Variants in TSNARE1 observed in about 807,000 individuals in gnomAD.
The protein encoded by TSNARE1 is t-SNARE domain-containing protein 1.
In TSNARE1, 49 loss-of-function variants were observed where a neutral mutation model predicts 62.0. The ratio of observed to expected loss-of-function variants is 0.79; its 90% CI spans 0.63 to 1.00. The LOEUF is 1.00. Ranked by LOEUF, TSNARE1 falls within the 50% of genes least tolerant of loss-of-function variation. The pLI, the probability that TSNARE1 is intolerant of heterozygous loss-of-function variation, is 0.00. For missense variants in TSNARE1, 755 were observed against 700.1 expected, an observed-to-expected ratio of 1.08 and a Z score of -0.88; for synonymous variants, 328 against 294.4, an observed-to-expected ratio of 1.11 and a Z score of -1.17.
intron 13 of TSNARE1, 127 bp from the exon 14 acceptor site, chr8:142,212,440 G>A (rs1157184640): frequency 6.6e-6 from 1 of 152,200 alleles, no homozygotes. Flanking sequence ...CATGGAGGTA[G>A]GGCCCTGAGA....
intron 1 of TSNARE1, among the ~76,000 whole-genome samples, chr8:142,388,629 C>T (rs1006557352): frequency 1.4e-5 from 2 of 139,608 alleles, no homozygotes; most frequent in African/African-American, 5.5e-5. Flanking sequence ...AGGATCTCAG[C>T]TCACTGCAAC....
chr8:142,290,081 C>T (rs1455140791), intron 10 of TSNARE1, among the ~76,000 whole-genome samples: 3 of 152,228 alleles, frequency 2.0e-5, no homozygotes, highest in Non-Finnish European at 4.4e-5. Flanking sequence ...GGCGCAGCTC[C>T]ACTCCCAGGC....
chr8:142,324,909 G>C (rs1320359803), intron 6 of TSNARE1, among the ~76,000 whole-genome samples: 1 of 152,272 alleles, frequency 6.6e-6, no homozygotes, highest in African/African-American at 2.4e-5. Context: ...CTCGGCTGAG[G>C]GGGCTGTGGG....
chr8:142,311,289 A>AGTTTTTTTTTTTTT (rs1461595501), intron 9 of TSNARE1, among the ~76,000 whole-genome samples: 44 of 68,776 alleles, frequency 6.4e-4, no homozygotes, highest in Non-Finnish European at 9.3e-4. Context: ...CAGCCTCTCT[A>AGTTTTTTTTTTTTT]GTTTTTTTTT....
At chr8:142,308,717 T>C (rs1238550350) in intron 9 of TSNARE1, among the ~76,000 whole-genome samples, 1 of 152,228 alleles carries the variant, frequency 6.6e-6, no homozygotes, top group Non-Finnish European at 1.5e-5. Flanking sequence ...TCGTTCTTCT[T>C]CAAAATTGCC....
chr8:142,317,830 C>T (rs779374331), intron 7 of TSNARE1, among the ~76,000 whole-genome samples: 14 of 152,140 alleles, frequency 9.2e-5, no homozygotes, highest in African/African-American at 1.2e-4. Flanking sequence ...TGGTGACGGG[C>T]GCCTGTAATC....
At chr8:142,278,872 C>T (rs1563812238) in intron 11 of TSNARE1, 8 of 904,210 alleles carry the variant, frequency 8.8e-6, no homozygotes, top group Non-Finnish European at 1.1e-5. Context: ...CAGCGTGGGG[C>T]GGGGAAGAGT....
rs892850606 is a variant in TSNARE1 at position 142,343,905 on chromosome 8, GCC to G, written c.745+59_745+60del. Reference sequence around the variant, plus strand: ...ATGCAGGGCAACATGGCCAAGATGGGCCCCCCCCTCCTGCTGGACAGAGTGGC... The same window carrying G: ...ATGCAGGGCAACATGGCCAAGATGGGCCCCCCTCCTGCTGGACAGAGTGGC... On this transcript the variant is annotated intron_variant, in intron 4 of 13. Transcript: ENST00000524325. The G allele has an allele frequency of 9.2e-5, 131 of 1,419,518 alleles. 1 individual carries two copies. In the African/African-American group the frequency reaches 1.4e-3, roughly 15 times the overall value. The allele number at this position is 1,419,518 out of a possible 1,614,324, so 87.9% of individuals were successfully genotyped here.
chr8:142,285,370 A>G (rs558017175), intron 10 of TSNARE1, among the ~76,000 whole-genome samples: 16 of 96,000 alleles, frequency 1.7e-4, no homozygotes, highest in Non-Finnish European at 3.1e-4. Flanking sequence ...GTGGGTGGGT[A>G]GATGTATGGA....
intron 12 of TSNARE1, among the ~76,000 whole-genome samples, chr8:142,248,151 G>A (rs1359232417): frequency 1.3e-5 from 2 of 152,180 alleles, no homozygotes; most frequent in Non-Finnish European, 2.9e-5. Context: ...TCTGCCTTCT[G>A]CCACCTGAGG....
chr8:142,360,297 C>CA (rs1835057747), intron 1 of TSNARE1, among the ~76,000 whole-genome samples: 1 of 152,124 alleles, frequency 6.6e-6, no homozygotes, highest in African/African-American at 2.4e-5. Context: ...ATGAGGGGGA[C>CA]ACGGAGTCCC....
intron 12 of TSNARE1, among the ~76,000 whole-genome samples, chr8:142,263,575 G>A (rs570732905): frequency 1.3e-5 from 2 of 152,260 alleles, no homozygotes; most frequent in East Asian, 1.9e-4. Context: ...GTGTAAGACT[G>A]GATTTCTTCC....
chr8:142,282,731 C>T (rs1176714343), intron 11 of TSNARE1, among the ~76,000 whole-genome samples: 14 of 147,612 alleles, frequency 9.5e-5, no homozygotes, highest in Non-Finnish European at 1.5e-5. Context: ...GAGGGGAGGC[C>T]ACTGTCTGTC....
chr8:142,254,519 G>A (rs554232934), intron 12 of TSNARE1, among the ~76,000 whole-genome samples: 22 of 152,286 alleles, frequency 1.4e-4, no homozygotes, highest in Non-Finnish European at 2.2e-4. Flanking sequence ...GGGGATCCCC[G>A]TGGGACCCAT....
chr8:142,376,417 G>A (rs1314802630), intron 1 of TSNARE1, among the ~76,000 whole-genome samples: 1 of 152,210 alleles, frequency 6.6e-6, no homozygotes, highest in Non-Finnish European at 1.5e-5. Flanking sequence ...GTGGTGAACA[G>A]GTCATGAGAC....
chr8:142,279,095 G>A (rs1380103791), intron 11 of TSNARE1, among the ~76,000 whole-genome samples: 4 of 152,168 alleles, frequency 2.6e-5, no homozygotes, highest in Non-Finnish European at 5.9e-5. Flanking sequence ...GCGGAGGGAA[G>A]CCCTCCTTCT....
chr8:142,224,500 G>A (rs2129999504), intron 13 of TSNARE1, among the ~76,000 whole-genome samples: 1 of 152,320 alleles, frequency 6.6e-6, no homozygotes, highest in Non-Finnish European at 1.5e-5. Flanking sequence ...ATTGGGTCCT[G>A]GGACCTGCAG....
intron 10 of TSNARE1, among the ~76,000 whole-genome samples, chr8:142,299,696 ACACACACGCACT>A (rs1478957208): frequency 6.6e-6 from 1 of 151,944 alleles, no homozygotes; most frequent in Non-Finnish European, 1.5e-5. Context: ...ACACGCATGC[ACACACACGCACT>A]CACGCACGCA....
chr8:142,305,895 G>C (rs1396959567), intron 9 of TSNARE1, among the ~76,000 whole-genome samples: 3 of 152,198 alleles, frequency 2.0e-5, no homozygotes, highest in Non-Finnish European at 2.9e-5. Context: ...GCTGGAGACA[G>C]GGCACACACG....
Sources: gnomAD v4.1 joint callset for allele counts (sites outside exome capture counted in the v4.1 genomes callset) on GRCh38, gnomAD v4.1.1 for gene constraint, MANE v1.5 for transcripts, NCBI Gene and HGNC (gene_info 2026-07-23, HGNC 2026-07-21) for gene names.